Variants in SLC15A1 observed in about 807,000 individuals in gnomAD.
SLC15A1 encodes Caco-2 oligopeptide transporter.
In SLC15A1, 83 loss-of-function variants were observed where a neutral mutation model predicts 92.9. The observed-to-expected ratio is 0.89, with a 90% CI of 0.75 to 1.07. The LOEUF is 1.07. SLC15A1 is among the 50% of genes least tolerant of loss of function. The pLI, the probability that SLC15A1 is intolerant of heterozygous loss-of-function variation, is 0.00. For missense variants in SLC15A1, 857 were observed against 880.1 expected, an observed-to-expected ratio of 0.97 and a Z score of 0.33; for synonymous variants, 322 against 318.2, an observed-to-expected ratio of 1.01 and a Z score of -0.13.
chr13:98,716,449 C>T (rs2088211849), intron 8 of SLC15A1, among the ~76,000 whole-genome samples: 1 of 152,026 alleles, frequency 6.6e-6, no homozygotes, highest in African/African-American at 2.4e-5. Flanking sequence ...TGGTGAAAAC[C>T]CGTCTCTACT....
chr13:98,708,664 G>A (rs1369984617), intron 15 of SLC15A1, 22 bp downstream of exon 15: 4 of 1,604,662 alleles, frequency 2.5e-6, no homozygotes, highest in African/African-American at 2.7e-5. Flanking sequence ...AAAGGACATG[G>A]GAGAACCAGG....
At chr13:98,693,282 G>C (rs2087996916) in intron 18 of SLC15A1, among the ~76,000 whole-genome samples, 1 of 151,966 alleles carries the variant, frequency 6.6e-6, no homozygotes. Flanking sequence ...ATTTTTAGTA[G>C]AGATGGGGTT....
chr13:98,742,935 C>T lies in SLC15A1; in HGVS notation c.4+9660G>A, dbSNP rs149982539. Among the ~76,000 whole-genome samples the T allele has an allele frequency of 3.5e-3, 537 of 152,214 alleles. 2 individuals carry two copies. Among genetic ancestry groups the T allele is most frequent in the South Asian group, 0.014 (69 of 4,806 alleles). ...GGACCACAGGCGTGTGCAGCCATGT[C>T]GGCTAAGTTTTAAAATTTTTGTAGA... On this transcript the variant is annotated intron_variant, in intron 1 of 22. Coordinates refer to ENST00000376503, the MANE Select transcript of SLC15A1 (RefSeq NM_005073.4).
At position 98,706,143 on chromosome 13, in the gene SLC15A1, TG is replaced by T. The variant is rs2139576755; in HGVS notation, c.1259del (p.Pro420GlnfsTer9). ...ATTTCCTTCTACTTACTTGAGACAT[TG>T]GGCCAAGTGTCACCATCTCTCCAGG... ...SLPGEMVTLGPMSQTNAFMTF... is the reference protein window; with the variant it reads ...SLPGEMVTLGXMSQTNAFMTF... On this transcript the variant is annotated frameshift_variant, in exon 16 of 23. Transcript: ENST00000376503. LOFTEE classifies it high-confidence loss of function. 1 of 1,608,720 alleles carries T rather than the reference TG, an allele frequency of 6.2e-7. No homozygotes were observed. The highest frequency in any genetic ancestry group is 8.5e-7 in the Non-Finnish European group (1 of 1,178,822).
At position 98,726,438 on chromosome 13, in the gene SLC15A1, A is replaced by T; in HGVS notation, c.33T>A (p.Gly11=). The change falls in exon 3 of 23, where the codon GGT becomes GGA. Residue 11 remains glycine, a synonymous_variant. Coordinates refer to ENST00000376503, the MANE Select transcript of SLC15A1 (RefSeq NM_005073.4). Reference sequence around the variant, plus strand: ...CGATGAAGAAGATGCTCAGGGGATAACCAAAGAAACTCTGACAAAAAAGAA... The same window carrying T: ...CGATGAAGAAGATGCTCAGGGGATATCCAAAGAAACTCTGACAAAAAAGAA... MGMSKSHSFF[G]YPLSIFFIVV... 1 of 1,614,002 alleles carries T rather than the reference A, an allele frequency of 6.2e-7. No individual in the cohort carries two copies. Among genetic ancestry groups the T allele is most frequent in the Non-Finnish European group, 8.5e-7 (1 of 1,179,946 alleles).
In SLC15A1 at chr13:98,684,554, AAAAAAAAAAAAAAAGAAAAG is replaced by A. The variant is rs1192529493; in HGVS notation, c.*150_*169del. On this transcript the variant is annotated 3_prime_UTR_variant, in exon 23 of 23. Transcript: ENST00000376503. ...GAGCAAAACTCTGTCTCAAAAAAAA[AAAAAAAAAAAAAAAGAAAAG>A]AAAAAGAAAAAAGAAAATAGCATTC... 1 of 428,916 alleles carries A rather than the reference AAAAAAAAAAAAAAAGAAAAG, an allele frequency of 2.3e-6. No individual in the cohort carries two copies. The highest frequency in any genetic ancestry group is 2.0e-5 in the African/African-American group (1 of 49,470). The allele number at this position is 428,916 out of a possible 1,614,324, so 26.6% of individuals were successfully genotyped here. A position where few individuals can be genotyped will look rare whatever the true frequency, so the allele number is the denominator to read the frequency against.
At chr13:98,727,207 T>C (rs1367200340) in intron 1 of SLC15A1, among the ~76,000 whole-genome samples, 1 of 152,192 alleles carries the variant, frequency 6.6e-6, no homozygotes, top group Non-Finnish European at 1.5e-5. Flanking sequence ...ATCTGACAAG[T>C]GTTTTGGTGG....
chr13:98,745,485 G>C (rs1689484008), intron 1 of SLC15A1, among the ~76,000 whole-genome samples: 1 of 152,144 alleles, frequency 6.6e-6, no homozygotes, highest in Non-Finnish European at 1.5e-5. Context: ...AATTAGCTAA[G>C]ACCAGGTCAT....
chr13:98,721,320 AG>A, intron 7 of SLC15A1, 174 bp downstream of exon 7: 1 of 709,500 alleles, frequency 1.4e-6, no homozygotes, highest in Non-Finnish European at 2.6e-6. Context: ...TAAGACAAAA[AG>A]GAGGTGAAAC....
Position 98,709,729 on chromosome 13 carries a change from A to G in SLC15A1, c.978+13T>C. ...CGACTCTGATCCCTGAAAGCAACTT[A>G]CATGTCTTCTACCTGCATCTGATCG... On this transcript the variant is annotated intron_variant, in intron 13 of 22. Coordinates refer to ENST00000376503, the MANE Select transcript of SLC15A1 (RefSeq NM_005073.4). The G allele has an allele frequency of 6.2e-7, 1 of 1,614,232 alleles. No homozygotes were observed. Among genetic ancestry groups the G allele is most frequent in the Admixed American group, 1.7e-5 (1 of 60,020 alleles).
At chr13:98,715,382 C>G (rs1185585476) in intron 9 of SLC15A1, among the ~76,000 whole-genome samples, 8 of 152,202 alleles carry the variant, frequency 5.3e-5, no homozygotes, top group Admixed American at 5.2e-4. Flanking sequence ...GCCATGTTGG[C>G]CAGGCTGGCC....
At chr13:98,737,386 T>G (rs1248416470) in intron 1 of SLC15A1, among the ~76,000 whole-genome samples, 1 of 152,154 alleles carries the variant, frequency 6.6e-6, no homozygotes, top group Non-Finnish European at 1.5e-5. Flanking sequence ...GAGAAATACC[T>G]AATGTAAATG....
At chr13:98,706,321 A>T in intron 15 of SLC15A1, 68 bp from the exon 16 acceptor site, 1 of 1,564,768 alleles carries the variant, frequency 6.4e-7, no homozygotes, top group South Asian at 1.2e-5. Flanking sequence ...CTTAACCCTG[A>T]CAAGGGGGTG....
intron 10 of SLC15A1, among the ~76,000 whole-genome samples, chr13:98,712,154 A>G (rs544478056): frequency 9.9e-5 from 15 of 152,234 alleles, no homozygotes; most frequent in Non-Finnish European, 2.2e-4. Context: ...ACATCTATTT[A>G]GGAGGTAAAT....
intron 18 of SLC15A1, among the ~76,000 whole-genome samples, chr13:98,689,596 C>G (rs1460396514): frequency 1.3e-5 from 2 of 152,126 alleles, no homozygotes; most frequent in East Asian, 1.9e-4. Flanking sequence ...CAGGTGTGTG[C>G]CACAATGCCT....
At chr13:98,691,567 T>A (rs933916445) in intron 18 of SLC15A1, among the ~76,000 whole-genome samples, 1 of 152,224 alleles carries the variant, frequency 6.6e-6, no homozygotes, top group African/African-American at 2.4e-5. Flanking sequence ...TCACAATACA[T>A]GGCGTATAGC....
chr13:98,711,817 C>T (rs776702156), intron 11 of SLC15A1, 37 bp downstream of exon 11: 2 of 1,506,246 alleles, frequency 1.3e-6, no homozygotes, highest in African/African-American at 1.4e-5. Context: ...TGTACGCTTG[C>T]TCCGTGAAGA....
chr13:98,686,025 C>T (rs2087926090), intron 22 of SLC15A1, among the ~76,000 whole-genome samples, 165 bp downstream of exon 22: 1 of 151,836 alleles, frequency 6.6e-6, no homozygotes, highest in South Asian at 2.1e-4. Flanking sequence ...ACAGCAGACA[C>T]TTTGCCATAA....
At chr13:98,750,374 G>A (rs1283167110) in intron 1 of SLC15A1, among the ~76,000 whole-genome samples, 1 of 152,156 alleles carries the variant, frequency 6.6e-6, no homozygotes, top group Non-Finnish European at 1.5e-5. Context: ...GCCTCCCAAA[G>A]TTCTGGGATT....
Sources: allele counts gnomAD v4.1 joint callset (sites outside exome capture counted in the v4.1 genomes callset), GRCh38; gene constraint gnomAD v4.1.1; transcripts MANE v1.5; gene names NCBI Gene and HGNC (gene_info 2026-07-23, HGNC 2026-07-21).